The following RPTOR variants were observed in gnomAD, a reference collection of about 807,000 sequenced individuals.
The protein encoded by RPTOR is regulatory-associated protein of mTOR.
Under a neutral mutation model 169.9 loss-of-function variants are expected in RPTOR, and 21 were observed. The observed-to-expected ratio is 0.12, with a 90% CI of 0.09 to 0.18. The LOEUF is 0.18. Among genes scored for constraint, RPTOR ranks in the 10% least tolerant of loss-of-function variants. RPTOR has a pLI of 1.00. For synonymous variants in RPTOR, 732 were observed against 753.2 expected (o/e 0.97, Z 0.46); for missense variants, 1,133 against 1,855.9 (o/e 0.61, Z 7.16).
chr17:80,846,687 TC>T, intron 11 of RPTOR, 113 bp downstream of exon 11: 1 of 806,526 alleles, frequency 1.2e-6, no homozygotes, highest in Non-Finnish European at 2.0e-6. Context: ...GTCTGTGACA[TC>T]CCAGCCCCTC....
At position 80,787,526 on chromosome 17, in the gene RPTOR, T is replaced by A. The variant is rs114414491; in HGVS notation, c.831-3924T>A. On this transcript the variant is annotated intron_variant, in intron 6 of 33. Coordinates refer to ENST00000306801, the MANE Select transcript of RPTOR (RefSeq NM_020761.3). ...TCTTTTGAACACATGCAAGAATTTC[T>A]TATATATTGAAAAGCAGAGTTGCCG... Among the ~76,000 whole-genome samples, 1,214 of 152,374 alleles carry A rather than the reference T, an allele frequency of 8.0e-3. 19 individuals carry two copies. The highest frequency in any genetic ancestry group is 0.028 in the African/African-American group (1,170 of 41,584).
At chr17:80,808,636 G>A (rs180760396) in intron 7 of RPTOR, among the ~76,000 whole-genome samples, 58 of 152,270 alleles carry the variant, frequency 3.8e-4, no homozygotes, top group Admixed American at 1.2e-3. Context: ...CACAGTCAGC[G>A]TATATCCCGT....
chr17:80,675,210 A>G (rs2065853437), intron 3 of RPTOR, among the ~76,000 whole-genome samples: 4 of 152,172 alleles, frequency 2.6e-5, no homozygotes, highest in Admixed American at 2.0e-4. Context: ...ATTCAGCTAC[A>G]GTTTTTGTTG....
At chr17:80,932,417 C>A (rs1433510942) in intron 24 of RPTOR, among the ~76,000 whole-genome samples, 1 of 152,072 alleles carries the variant, frequency 6.6e-6, no homozygotes, top group African/African-American at 2.4e-5. Context: ...AGAGACAAAG[C>A]AGAGAAAGAC....
At position 80,612,951 on chromosome 17, in the gene RPTOR, C is replaced by T. The variant is rs377145539; in HGVS notation, c.163-12740C>T. On this transcript the variant is annotated intron_variant, in intron 1 of 33. Transcript: ENST00000306801. ...TTAAGGGGAAAGTAAAATATATAAG[C>T]GTGTATGTATAGTTATAAAAAGAAC... is the stretch of plus-strand genomic sequence containing the variant. Among the ~76,000 whole-genome samples the T allele has an allele frequency of 2.0e-4, 31 of 152,282 alleles. 1 individual carries two copies. Among genetic ancestry groups the T allele is most frequent in the East Asian group, 1.5e-3 (8 of 5,186 alleles).
intron 10 of RPTOR, among the ~76,000 whole-genome samples, chr17:80,839,102 G>C (rs988346168): frequency 9.9e-5 from 15 of 152,168 alleles, no homozygotes; most frequent in Non-Finnish European, 2.1e-4. Context: ...CGTCAGGGAA[G>C]CTTTTAACAC....
intron 13 of RPTOR, among the ~76,000 whole-genome samples, chr17:80,876,931 C>T (rs2068124752): frequency 7.0e-6 from 1 of 142,498 alleles, no homozygotes; most frequent in Admixed American, 6.9e-5. Flanking sequence ...GGTCTTCCCA[C>T]CGAGCCCGTG....
chr17:80,682,556 T>C (rs979931971), intron 3 of RPTOR, among the ~76,000 whole-genome samples: 2 of 152,194 alleles, frequency 1.3e-5, no homozygotes, highest in African/African-American at 4.8e-5. Flanking sequence ...GGGAGTGATG[T>C]GGCCACAGGC....
At chr17:80,819,844 C>T (rs1188219049) in intron 7 of RPTOR, among the ~76,000 whole-genome samples, 4 of 152,154 alleles carry the variant, frequency 2.6e-5, no homozygotes, top group Non-Finnish European at 2.9e-5. Flanking sequence ...ACTCTGAATA[C>T]ACAGACTCCG....
chr17:80,637,069 G>T (rs957789016), intron 2 of RPTOR, among the ~76,000 whole-genome samples: 12 of 152,182 alleles, frequency 7.9e-5, no homozygotes, highest in African/African-American at 2.9e-4. Context: ...GTAGAACCCT[G>T]AGTATGGGGT....
At chr17:80,950,147 G>T (rs1342170022) in intron 28 of RPTOR, among the ~76,000 whole-genome samples, 1 of 152,222 alleles carries the variant, frequency 6.6e-6, no homozygotes, top group East Asian at 1.9e-4. Context: ...TCAGGCTTCT[G>T]GGTCTAGATT....
chr17:80,873,541 C>G (rs2068073708), intron 13 of RPTOR, among the ~76,000 whole-genome samples: 1 of 152,172 alleles, frequency 6.6e-6, no homozygotes, highest in South Asian at 2.1e-4. Context: ...GAAGTGCAGT[C>G]CAAGTCCCTG....
rs1373274296 is a variant in RPTOR at position 80,960,308 on chromosome 17, G to A, written c.3605+103G>A. 3 of 1,481,462 alleles carry A rather than the reference G, an allele frequency of 2.0e-6. No individual in the cohort carries two copies. Among genetic ancestry groups the A allele is most frequent in the Non-Finnish European group, 2.8e-6 (3 of 1,081,250 alleles). The allele number at this position is 1,481,462 out of a possible 1,614,324, so 91.8% of individuals were successfully genotyped here. ...TGGTTGGGTCCAGGTTTCTCAGTGAGATGCAAAGCTTCCCCAGGAGCCTGC... is the reference window on the plus strand; with the variant it reads ...TGGTTGGGTCCAGGTTTCTCAGTGAAATGCAAAGCTTCCCCAGGAGCCTGC... On this transcript the variant is annotated intron_variant, in intron 30 of 33. Transcript: ENST00000306801. The surrounding 1 kb of genome is among the most constrained non-coding windows in gnomAD (Gnocchi z 4.8).
rs117835109 is a variant in RPTOR at position 80,750,018 on chromosome 17, T to C, written c.655-3992T>C. ...GGCATGCACCACCACACCTGGCTAA[T>C]TAAAAAAAAATTTTGGAGTGATGGG... is the stretch of plus-strand genomic sequence containing the variant. On this transcript the variant is annotated intron_variant, in intron 5 of 33. Coordinates refer to ENST00000306801, the MANE Select transcript of RPTOR (RefSeq NM_020761.3). 2.3e-3 allele frequency among the ~76,000 whole-genome samples: 353 copies of C among 151,814 alleles called. 1 individual carries two copies. Among genetic ancestry groups the C allele is most frequent in the Non-Finnish European group, 4.2e-3 (287 of 67,920 alleles).
intron 7 of RPTOR, among the ~76,000 whole-genome samples, chr17:80,810,034 C>A (rs1490499558): frequency 1.3e-5 from 2 of 150,046 alleles, no homozygotes; most frequent in Non-Finnish European, 3.0e-5. Flanking sequence ...GACAACAGAG[C>A]GAGACTCCAT....
rs2065882466 is a variant in RPTOR, at chr17:80,679,428, T to C, written c.349-28413T>C. On this transcript the variant is annotated intron_variant, in intron 3 of 33. Transcript: ENST00000306801. ...ATTCCTCACCTCGTAGAAAAGATTT[T>C]TGGGGGGTGGTGGTTAATCATGTTA... is the stretch of plus-strand genomic sequence containing the variant. Among the ~76,000 whole-genome samples the C allele has an allele frequency of 3.3e-5, 5 of 152,196 alleles. 1 individual carries two copies. The South Asian group carries it at 1.0e-3, about 32-fold the overall frequency.
In RPTOR at chr17:80,957,654, A is replaced by G. The variant is rs375323774; in HGVS notation, c.3401A>G (p.Glu1134Gly). The G allele has an allele frequency of 2.5e-6, 4 of 1,614,164 alleles. No homozygotes were observed. Among genetic ancestry groups the G allele is most frequent in the Non-Finnish European group, 3.4e-6 (4 of 1,180,038 alleles). The change falls in exon 29 of 34, where the codon GAG (glutamate) becomes GGG (glycine). Residue 1134 changes from glutamate (E) to glycine (G), a missense_variant. Around this residue, in one of 9 missense-constraint regions of RPTOR, gnomAD observed 410 missense variants for 623.7 expected, o/e 0.66. Transcript: ENST00000306801. The surrounding 1 kb of genome is among the most constrained non-coding windows in gnomAD (Gnocchi z 4.6). ...GGGATGGTGGTGGACTGGGAGCAGG[A>G]GACCGGCCTCCTCATGAGCTCAGGA... ...GAGMVVDWEQ[E>G]TGLLMSSGDV...
chr17:80,624,559 G>A (rs2065378644), intron 1 of RPTOR, among the ~76,000 whole-genome samples: 1 of 152,144 alleles, frequency 6.6e-6, no homozygotes, highest in African/African-American at 2.4e-5. Flanking sequence ...TGGTTGATAG[G>A]TTAATGGGAT....
intron 23 of RPTOR, among the ~76,000 whole-genome samples, chr17:80,924,450 C>G (rs2068787064): frequency 6.6e-6 from 1 of 152,108 alleles, no homozygotes; most frequent in African/African-American, 2.4e-5. Flanking sequence ...GCAGGATGCC[C>G]TGGAGCAGGA....
Sources: allele counts gnomAD v4.1 joint callset (sites outside exome capture counted in the v4.1 genomes callset), GRCh38; gene constraint gnomAD v4.1.1; regional missense constraint gnomAD v4.1.1; non-coding constraint Gnocchi (gnomAD v3.1); transcripts MANE v1.5; gene names NCBI Gene and HGNC (gene_info 2026-07-23, HGNC 2026-07-21).